SLA: variants seen among roughly 807,000 people sequenced by gnomAD.
SLA encodes Src like adaptor, also known as src-like-adapter.
A neutral mutation model predicts 30.3 loss-of-function variants in SLA; 16 were observed. The observed-to-expected ratio is 0.53, with a 90% confidence interval of 0.36 to 0.80. The LOEUF (loss-of-function observed/expected upper bound fraction) is 0.80, where lower values mean the gene tolerates loss of function less well. SLA is among the 30% of genes least tolerant of loss of function. The pLI is 0.01. For missense variants in SLA, 310 were observed against 345.2 expected (o/e 0.90, Z 0.81); for synonymous variants, 143 against 137.8 (o/e 1.04, Z -0.26).
chr8:133,080,585 G>A (rs1845597636), intron 1 of SLA, among the ~76,000 whole-genome samples: 1 of 152,070 alleles, frequency 6.6e-6, no homozygotes, highest in Non-Finnish European at 1.5e-5. Context: ...CCCAAACTCA[G>A]GACCATCTTC....
intron 1 of SLA, among the ~76,000 whole-genome samples, chr8:133,088,407 G>C (rs192597479): frequency 2.0e-5 from 3 of 152,246 alleles, no homozygotes; most frequent in African/African-American, 7.2e-5. Context: ...AGCACAGTGT[G>C]GGGGGAACAA....
intron 1 of SLA, among the ~76,000 whole-genome samples, chr8:133,092,669 G>A (rs948560511): frequency 1.3e-5 from 2 of 152,188 alleles, no homozygotes; most frequent in Admixed American, 1.3e-4. Context: ...TCATCAGGGA[G>A]TGACACAGCT....
intron 6 of SLA, among the ~76,000 whole-genome samples, chr8:133,045,383 T>C (rs927852683): frequency 6.8e-6 from 1 of 146,438 alleles, no homozygotes; most frequent in African/African-American, 2.5e-5. Context: ...TTTCATCCTC[T>C]TTGCTTTTTT....
At chr8:133,096,413 T>C in intron 1 of SLA, 1 of 1,612,570 alleles carries the variant, frequency 6.2e-7, no homozygotes, top group Non-Finnish European at 8.5e-7. Context: ...CAGCTGGGCA[T>C]TTCCTAAGGG....
At chr8:133,091,034 C>T (rs1847428098) in intron 1 of SLA, among the ~76,000 whole-genome samples, 1 of 152,202 alleles carries the variant, frequency 6.6e-6, no homozygotes, top group South Asian at 2.1e-4. Flanking sequence ...CTGGAGCCCC[C>T]TCTAAAGTTG....
chr8:133,066,397 G>C (rs2131377739), intron 2 of SLA, among the ~76,000 whole-genome samples: 1 of 151,440 alleles, frequency 6.6e-6, no homozygotes, highest in Middle Eastern at 3.4e-3. Context: ...AGGAATACTA[G>C]CTGTGCTTTT....
At chr8:133,074,264 A>T (rs775641577) in intron 2 of SLA, among the ~76,000 whole-genome samples, 7 of 152,140 alleles carry the variant, frequency 4.6e-5, no homozygotes, top group Non-Finnish European at 8.8e-5. Context: ...GCATCTTCTT[A>T]AAGAAGATGC....
intron 1 of SLA, among the ~76,000 whole-genome samples, chr8:133,091,085 G>C (rs1208267593): frequency 1.3e-5 from 2 of 152,240 alleles, no homozygotes; most frequent in African/African-American, 4.8e-5. Flanking sequence ...ATTGCTCTGA[G>C]AGGTAGGTGA....
chr8:133,056,184 A>T (rs568827308), intron 3 of SLA, among the ~76,000 whole-genome samples: 118 of 152,342 alleles, frequency 7.7e-4, no homozygotes, highest in Middle Eastern at 3.4e-3. Flanking sequence ...TACTTAAAAA[A>T]ACTTGAGTGC....
At chr8:133,084,422 C>T (rs1846210983) in intron 1 of SLA, among the ~76,000 whole-genome samples, 1 of 152,164 alleles carries the variant, frequency 6.6e-6, no homozygotes, top group Non-Finnish European at 1.5e-5. Flanking sequence ...AAGGGAGGCT[C>T]AGGAGCCTGC....
At position 133,050,172 on chromosome 8, in the gene SLA, A is replaced by G. The variant is rs528734620; in HGVS notation, c.162-184T>C. 947 of 609,640 alleles carry G rather than the reference A, an allele frequency of 1.6e-3. 6 individuals carry two copies. Among genetic ancestry groups the G allele is most frequent in the Middle Eastern group, 6.3e-3 (15 of 2,366 alleles). 37.8% of individuals were successfully genotyped at this position (609,640 alleles called of 1,614,324 possible). On this transcript the variant is annotated intron_variant, in intron 4 of 8. Coordinates refer to ENST00000338087, the MANE Select transcript of SLA (RefSeq NM_001045556.3). ...TTTTCTTTTTAAAGGATATGTGTCC[A>G]GTGGATAGCCCTCCATTGCAAGCCA...
chr8:133,039,908 GCACACA>G, intron 8 of SLA, 84 bp downstream of exon 8: 2 of 1,494,606 alleles, frequency 1.3e-6, no homozygotes, highest in Non-Finnish European at 1.8e-6. Context: ...CATGTGCTCG[GCACACA>G]CACCGTTTTG....
chr8:133,077,024 T>C (rs1844994461), intron 1 of SLA, among the ~76,000 whole-genome samples: 1 of 152,128 alleles, frequency 6.6e-6, no homozygotes, highest in African/African-American at 2.4e-5. Context: ...AATGGGTTGA[T>C]GGGACCGAGG....
At chr8:133,091,911 A>G (rs1372038017) in intron 1 of SLA, among the ~76,000 whole-genome samples, 1 of 151,206 alleles carries the variant, frequency 6.6e-6, no homozygotes, top group Non-Finnish European at 1.5e-5. Flanking sequence ...GTGTGTCTCC[A>G]TCTGTGGCTA....
At position 133,050,893 on chromosome 8, in the gene SLA, G is replaced by C; in HGVS notation, c.84C>G (p.Ala28=). The change falls in exon 4 of 9, where the codon GCC becomes GCG. Residue 28 remains alanine (A), a synonymous_variant. Transcript: ENST00000338087. ...NPEGLDSDFL[A]VLSDYPSPDI... ...CAGGAGACGGGTAGTCACTTAGCAC[G>C]GCAAGGAAGTCGCTATCCAGTCCTG... is the stretch of plus-strand genomic sequence containing the variant. 1 of 1,613,294 alleles carries C rather than the reference G, an allele frequency of 6.2e-7. No homozygotes were observed. The highest frequency in any genetic ancestry group is 8.5e-7 in the Non-Finnish European group (1 of 1,179,238).
At chr8:133,102,410 G>A in intron 1 of SLA, 143 bp downstream of exon 1, 1 of 677,752 alleles carries the variant, frequency 1.5e-6, no homozygotes, top group Admixed American at 2.6e-5. Context: ...CACCAGCAGA[G>A]ACCCACCCAT....
chr8:133,090,128 A>G (rs896306495), intron 1 of SLA: 1 of 152,240 alleles, frequency 6.6e-6, no homozygotes, highest in Non-Finnish European at 1.5e-5. Flanking sequence ...GGAATAAAAT[A>G]GAGTCAAAAG....
chr8:133,051,058 A>C, intron 3 of SLA, 143 bp from the exon 4 acceptor site: 1 of 620,978 alleles, frequency 1.6e-6, no homozygotes, highest in East Asian at 2.8e-5. Context: ...AATTTACAGC[A>C]AGGTCCTCTC....
rs1390445141 is a variant in SLA, at chr8:133,091,891, ATCTATGAC to A, written c.-319+10654_-319+10661del. On this transcript the variant is annotated intron_variant, in intron 1 of 8. Coordinates refer to ENST00000338087, the MANE Select transcript of SLA (RefSeq NM_001045556.3). ...TGTATCTCTGTGTGAGTGTGTCTCT[ATCTATGAC>A]TGTGTGTCTCCATCTGTGGCTACGT... Among the ~76,000 whole-genome samples the A allele has an allele frequency of 1.7e-4, 26 of 151,326 alleles. 1 individual carries two copies. The highest frequency in any genetic ancestry group is 1.0e-3 in the South Asian group (5 of 4,780).
Sources: allele counts gnomAD v4.1 joint callset (sites outside exome capture counted in the v4.1 genomes callset), GRCh38; gene constraint gnomAD v4.1.1; transcripts MANE v1.5; gene names NCBI Gene and HGNC (gene_info 2026-07-23, HGNC 2026-07-21).